ZNF543: variants seen among roughly 807,000 people sequenced by gnomAD.
The protein encoded by ZNF543 is zinc finger protein 543.
Under a neutral mutation model 13.4 loss-of-function variants are expected in ZNF543, and 10 were observed. The observed-to-expected ratio is 0.75, with a 90% CI of 0.46 to 1.26. The LOEUF (loss-of-function observed/expected upper bound fraction) is 1.26. ZNF543 is among the 50% of genes most tolerant of loss of function. The probability of loss-of-function intolerance (pLI) is 0.00; values close to 1 mark genes in which losing one functional copy is unlikely to be tolerated. For synonymous variants in ZNF543, 272 were observed against 264.7 expected (o/e 1.03, Z -0.27); for missense variants, 768 against 741.2 (o/e 1.04, Z -0.42).
At chr19:57,326,970 G>T (rs1210482166) in intron 3 of ZNF543, among the ~76,000 whole-genome samples, 2 of 149,884 alleles carry the variant, frequency 1.3e-5, no homozygotes, top group Non-Finnish European at 3.0e-5. Context: ...TGGGCTCAAG[G>T]GATTCTCCCA....
In ZNF543 at chr19:57,328,058, A is replaced by G. The variant is rs1461903633; in HGVS notation, c.596A>G (p.Tyr199Cys). The stretch of plus-strand genomic sequence containing the variant: ...TTGATTCGCGAAGAGAAAAATTCCT[A>G]TAAATGTGAGGAATGCGGGAAAGTG... Reference protein sequence around the residue: ...DALIREEKNSYKCEECGKVFK... With the variant: ...DALIREEKNSCKCEECGKVFK... The change falls in exon 4 of 4, where the codon TAT (tyrosine) becomes TGT (cysteine). Residue 199 changes from tyrosine (Y) to cysteine (C), a missense_variant. Tyr to Cys is a radical substitution (Grantham distance 194). Transcript: ENST00000321545. 3.7e-6 allele frequency: 6 copies of G among 1,614,138 alleles called. No homozygotes were observed. Among genetic ancestry groups the G allele is most frequent in the African/African-American group, 2.7e-5 (2 of 74,960 alleles).
chr19:57,329,448 T>C lies in ZNF543; in HGVS notation c.*183T>C, dbSNP rs901370343. 7.0e-5 allele frequency: 48 copies of C among 683,582 alleles called. No individual in the cohort carries two copies. Among genetic ancestry groups the C allele is most frequent in the Middle Eastern group, 8.2e-4 (2 of 2,428 alleles). The allele number at this position is 683,582 out of a possible 1,614,324, so 42.3% of individuals were successfully genotyped here. A position where few individuals can be genotyped will look rare whatever the true frequency, so the allele number is the denominator to read the frequency against. On this transcript the variant is annotated 3_prime_UTR_variant, in exon 4 of 4. Coordinates refer to ENST00000321545, the MANE Select transcript of ZNF543 (RefSeq NM_213598.4). ...CATGAGAGAGACCCAGTGGTTGCTA[T>C]GCACTTAGGAAAACTTTCAGCCACA...
At position 57,329,786 on chromosome 19, in the gene ZNF543, ACAGGCGTGAGCCAC is replaced by A. The variant is rs1194986273; in HGVS notation, c.*523_*536del. ...CTCAGCCTCCCAAAGTGCTGGGATT[ACAGGCGTGAGCCAC>A]CGCGCCCGGCCATCTCAGGGATATT... On this transcript the variant is annotated 3_prime_UTR_variant, in exon 4 of 4. Transcript: ENST00000321545. 1 of 153,392 alleles carries A rather than the reference ACAGGCGTGAGCCAC, an allele frequency of 6.5e-6. No individual in the cohort carries two copies. The highest frequency in any genetic ancestry group is 1.4e-5 in the Non-Finnish European group (1 of 68,972). 9.5% of individuals were successfully genotyped at this position (153,392 alleles called of 1,614,324 possible).
rs10410649 is a variant in ZNF543 at position 57,329,179 on chromosome 19, A to G, written c.1717A>G (p.Met573Val). Reference protein sequence around the residue: ...TIVTDVGRPFMTAQTSVNIQE... With the variant: ...TIVTDVGRPFVTAQTSVNIQE... ...TGTAACAGATGTGGGAAGACCTTTT[A>G]TGACTGCACAGACTTCAGTCAACAT... The change falls in exon 4 of 4, where the codon ATG becomes GTG. Residue 573 changes from methionine (M) to valine (V), a missense_variant. Physicochemically the swap from Met to Val is conservative, Grantham distance 21. Around this residue, in one of 3 missense-constraint regions of ZNF543, gnomAD observed 677 missense variants for 631.4 expected, o/e 1.07. Transcript: ENST00000321545. 420,170 of 1,613,916 alleles carry G rather than the reference A, an allele frequency of 0.26. 57,683 individuals carry two copies. Among genetic ancestry groups the G allele is most frequent in the African/African-American group, 0.32 (23,660 of 74,954 alleles).
chr19:57,322,253 A>G (rs1373519559), intron 1 of ZNF543, among the ~76,000 whole-genome samples: 1 of 152,186 alleles, frequency 6.6e-6, no homozygotes, highest in East Asian at 1.9e-4. Flanking sequence ...TGTCCGAGGC[A>G]GCAGATGCAG....
chr19:57,330,646 C>T lies in ZNF543; in HGVS notation c.*1381C>T, dbSNP rs1298862486. On this transcript the variant is annotated 3_prime_UTR_variant, in exon 4 of 4. Transcript: ENST00000321545. ...GGACTTAGGCTTGATTAAAATGCTA[C>T]ACATTTAGAGCGTTTTGTAATTCCT... 6.6e-6 allele frequency: 1 copy of T among 152,150 alleles called. No individual in the cohort carries two copies. The highest frequency in any genetic ancestry group is 1.5e-5 in the Non-Finnish European group (1 of 68,040). 9.4% of individuals were successfully genotyped at this position (152,150 alleles called of 1,614,324 possible).
intron 1 of ZNF543, among the ~76,000 whole-genome samples, chr19:57,323,437 CCT>C (rs2088101989): frequency 6.6e-6 from 1 of 152,084 alleles, no homozygotes; most frequent in East Asian, 1.9e-4. Context: ...CGTGATCTGC[CCT>C]TCATGGCCCC....
At chr19:57,324,518 TAATC>T (rs2088109955) in intron 2 of ZNF543, among the ~76,000 whole-genome samples, 2 of 152,242 alleles carry the variant, frequency 1.3e-5, no homozygotes, top group East Asian at 3.8e-4. Flanking sequence ...ATTGTCCTCA[TAATC>T]AGCAGTATCA....
At chr19:57,321,215 G>A (rs953425895) in intron 1 of ZNF543, among the ~76,000 whole-genome samples, 1 of 152,084 alleles carries the variant, frequency 6.6e-6, no homozygotes, top group Non-Finnish European at 1.5e-5. Flanking sequence ...GCTCTTCAGA[G>A]CCACCAACCT....
rs758406576 is a variant in ZNF543 at position 57,329,006 on chromosome 19, C to G, written c.1544C>G (p.Ala515Gly). 3 of 1,614,156 alleles carry G rather than the reference C, an allele frequency of 1.9e-6. No individual in the cohort carries two copies. The highest frequency in any genetic ancestry group is 1.7e-5 in the Admixed American group (1 of 60,026). Residue 515 changes from alanine to glycine, a missense_variant, in exon 4 of 4, where the codon GCC becomes GGC. This residue lies in a region of ZNF543 where 677 missense variants were observed against 631.4 expected (regional missense o/e 1.07). Coordinates refer to ENST00000321545, the MANE Select transcript of ZNF543 (RefSeq NM_213598.4). ...TATGAATGCATCCAGTGTGGGAAAG[C>G]CTTTTGCCGGAGCGCAAACCTTATT... ...KPYECIQCGK[A>G]FCRSANLIRH...
rs2088083813 is a variant in ZNF543 at position 57,320,625 on chromosome 19, C to T, written c.-229C>T. On this transcript the variant is annotated 5_prime_UTR_variant, in exon 1 of 4. Transcript: ENST00000321545. ...TTGGCGGGAGCCTGACGCCCCGCTT[C>T]TTCCCTAACGGGGTGTTCCACCGGC... 1.8e-6 allele frequency: 1 copy of T among 548,698 alleles called. No homozygotes were observed. The highest frequency in any genetic ancestry group is 3.2e-6 in the Non-Finnish European group (1 of 310,544). The allele number at this position is 548,698 out of a possible 1,614,324, so 34.0% of individuals were successfully genotyped here. A position where few individuals can be genotyped will look rare whatever the true frequency, so the allele number is the denominator to read the frequency against.
chr19:57,320,995 C>T (rs2088086931), intron 1 of ZNF543, 124 bp downstream of exon 1: 2 of 1,337,884 alleles, frequency 1.5e-6, no homozygotes, highest in Non-Finnish European at 1.0e-6. Flanking sequence ...GAGAAGTGGC[C>T]GTAGCTTGTC....
chr19:57,328,683 G>A lies in ZNF543; in HGVS notation c.1221G>A (p.Arg407=), dbSNP rs140371895. The A allele has an allele frequency of 6.8e-6, 11 of 1,612,596 alleles. No homozygotes were observed. The African/African-American group carries it at 1.5e-4, about 22-fold the overall frequency. ...CMECGKAFNR[R]SHLKQHQRIH... Reference sequence around the variant, plus strand: ...AGTGTGGGAAGGCGTTCAACCGTAGGTCACACCTCAAGCAGCATCAACGGA... The same window carrying A: ...AGTGTGGGAAGGCGTTCAACCGTAGATCACACCTCAAGCAGCATCAACGGA... Residue 407 remains arginine, a synonymous_variant, in exon 4 of 4, where the codon AGG becomes AGA. Coordinates refer to ENST00000321545, the MANE Select transcript of ZNF543 (RefSeq NM_213598.4).
At position 57,328,232 on chromosome 19, in the gene ZNF543, G is replaced by A. The variant is rs1281085176; in HGVS notation, c.770G>A (p.Cys257Tyr). 1 of 1,613,500 alleles carries A rather than the reference G, an allele frequency of 6.2e-7. No individual in the cohort carries two copies. Residue 257 changes from cysteine (C) to tyrosine (Y), a missense_variant, in exon 4 of 4, where the codon TGC (cysteine) becomes TAC (tyrosine). By Grantham distance (194) the Cys-to-Tyr change is radical. Around this residue, in one of 3 missense-constraint regions of ZNF543, gnomAD observed 677 missense variants for 631.4 expected, o/e 1.07. Coordinates refer to ENST00000321545, the MANE Select transcript of ZNF543 (RefSeq NM_213598.4). ...IIHTGEKPYK[C>Y]MECGKAFNRR... ...CACACTGGGGAGAAGCCCTATAAGT[G>A]CATGGAGTGTGGGAAGGCTTTTAAC... is the stretch of plus-strand genomic sequence containing the variant.
At chr19:57,321,183 C>T (rs2088087984) in intron 1 of ZNF543, among the ~76,000 whole-genome samples, 1 of 152,214 alleles carries the variant, frequency 6.6e-6, no homozygotes, top group Admixed American at 6.5e-5. Context: ...GACCTTGTCT[C>T]TCCATTTTTC....
intron 1 of ZNF543, 125 bp from the exon 2 acceptor site, chr19:57,323,557 C>G: frequency 2.4e-6 from 3 of 1,245,418 alleles, no homozygotes; most frequent in Non-Finnish European, 3.5e-6. Flanking sequence ...GATCATGGCC[C>G]TCTAGAGATG....
rs1485307370 is a variant in ZNF543 at position 57,330,573 on chromosome 19, C to T, written c.*1308C>T. On this transcript the variant is annotated 3_prime_UTR_variant, in exon 4 of 4. Coordinates refer to ENST00000321545, the MANE Select transcript of ZNF543 (RefSeq NM_213598.4). ...TTTAACTGGAATTTTAACAGGCAAG[C>T]CGGCATGCATATATGTAGGGATGTG... is the stretch of plus-strand genomic sequence containing the variant. 6.6e-6 allele frequency: 1 copy of T among 151,952 alleles called. No homozygotes were observed. The allele number at this position is 151,952 out of a possible 1,614,324, so 9.4% of individuals were successfully genotyped here.
Position 57,328,512 on chromosome 19 carries a change from C to A in ZNF543, c.1050C>A (p.Arg350=). The part of the protein sequence containing the change: ...ECIECGKAFN[R]RSYLTWHQQI... The stretch of plus-strand genomic sequence containing the variant: ...TTGAGTGTGGGAAGGCCTTCAACCG[C>A]CGGTCATACCTCACGTGGCACCAAC... The change falls in exon 4 of 4, where the codon CGC becomes CGA. Residue 350 remains arginine, a synonymous_variant. Coordinates refer to ENST00000321545, the MANE Select transcript of ZNF543 (RefSeq NM_213598.4). The A allele has an allele frequency of 6.2e-7, 1 of 1,613,834 alleles. No homozygotes were observed. Among genetic ancestry groups the A allele is most frequent in the Non-Finnish European group, 8.5e-7 (1 of 1,179,942 alleles).
chr19:57,327,029 G>T (rs2088125902), intron 3 of ZNF543, among the ~76,000 whole-genome samples: 1 of 137,514 alleles, frequency 7.3e-6, no homozygotes, highest in East Asian at 1.9e-4. Context: ...ACCATGCCTG[G>T]CTGAGTTTTT....
Sources: gnomAD v4.1 joint callset for allele counts (sites outside exome capture counted in the v4.1 genomes callset) on GRCh38, gnomAD v4.1.1 for gene constraint, gnomAD v4.1.1 regional missense constraint, MANE v1.5 for transcripts, NCBI Gene and HGNC (gene_info 2026-07-23, HGNC 2026-07-21) for gene names.